Variants in TPRG1 observed in about 807,000 individuals in gnomAD.
TPRG1 encodes the protein tumor protein p63-regulated gene 1 protein.
A neutral mutation model predicts 29.3 loss-of-function variants in TPRG1; 29 were observed. The observed-to-expected ratio is 0.99, with a 90% confidence interval of 0.74 to 1.35. TPRG1 has a LOEUF of 1.35. TPRG1 is among the 40% of genes most tolerant of loss of function. The probability of loss-of-function intolerance (pLI) is 0.00; values close to 1 mark genes in which losing one functional copy is unlikely to be tolerated. For synonymous variants in TPRG1, 130 were observed against 116.8 expected, an observed-to-expected ratio of 1.11 and a Z score of -0.73; for missense variants, 327 against 335.0, an observed-to-expected ratio of 0.98 and a Z score of 0.19.
chr3:189,049,879 C>A (rs1482443388), intron 4 of TPRG1, among the ~76,000 whole-genome samples: 1 of 152,112 alleles, frequency 6.6e-6, no homozygotes, highest in East Asian at 1.9e-4. Flanking sequence ...AATCTTTGAA[C>A]TGAATGACAA....
At chr3:189,048,391 C>T (rs183759320) in intron 4 of TPRG1, among the ~76,000 whole-genome samples, 15 of 152,242 alleles carry the variant, frequency 9.9e-5, no homozygotes, top group Non-Finnish European at 2.2e-4. Flanking sequence ...ATTTAAAGAG[C>T]ACAGTCTGAG....
intron 4 of TPRG1, among the ~76,000 whole-genome samples, chr3:189,024,850 T>G (rs914367207): frequency 1.3e-5 from 2 of 152,210 alleles, no homozygotes; most frequent in Admixed American, 1.3e-4. Context: ...GATCCCTTTC[T>G]CGTTCGGATC....
chr3:189,166,098 C>T (rs1484176287), intron 5 of TPRG1, among the ~76,000 whole-genome samples: 2 of 152,230 alleles, frequency 1.3e-5, no homozygotes, highest in African/African-American at 4.8e-5. Flanking sequence ...CTAAGCATTC[C>T]AGACCCTCAA....
chr3:189,317,930 T>C (rs769511366), intron 5 of TPRG1, among the ~76,000 whole-genome samples: 1 of 152,098 alleles, frequency 6.6e-6, no homozygotes, highest in South Asian at 2.1e-4. Flanking sequence ...AAACCTCTCT[T>C]GTGCAAGGAA....
chr3:189,239,541 A>C (rs1740170361), intron 4 of TPRG1, among the ~76,000 whole-genome samples: 2 of 152,204 alleles, frequency 1.3e-5, no homozygotes, highest in African/African-American at 2.4e-5. Context: ...AAATGCACTC[A>C]ACCTAATTTG....
chr3:189,022,685 G>A (rs968280390), intron 3 of TPRG1, among the ~76,000 whole-genome samples: 2 of 152,326 alleles, frequency 1.3e-5, no homozygotes, highest in South Asian at 2.1e-4. Context: ...CTGTCTTTTT[G>A]TCTATGCCCT....
rs900722922 is a variant in TPRG1, at chr3:189,324,845, A to G, written c.*4025A>G. On this transcript the variant is annotated 3_prime_UTR_variant, in exon 6 of 6. Coordinates refer to ENST00000345063, the MANE Select transcript of TPRG1 (RefSeq NM_198485.4). ...GGTATTTGCACAGGGATGAATGCTC[A>G]TTGGCTCTTGGCCAACAATTATACA... 1 of 152,192 alleles carries G rather than the reference A, an allele frequency of 6.6e-6. No homozygotes were observed. Among genetic ancestry groups the G allele is most frequent in the Admixed American group, 6.6e-5 (1 of 15,262 alleles). The allele number at this position is 152,192 out of a possible 1,614,324, so 9.4% of individuals were successfully genotyped here. A position where few individuals can be genotyped will look rare whatever the true frequency, so the allele number is the denominator to read the frequency against.
chr3:189,061,447 T>A (rs1716096212), intron 4 of TPRG1, among the ~76,000 whole-genome samples: 2 of 152,154 alleles, frequency 1.3e-5, no homozygotes, highest in African/African-American at 4.8e-5. Context: ...AAATGAGATC[T>A]AAGTAAGCTA....
chr3:189,276,027 G>T (rs1335522188), intron 4 of TPRG1, among the ~76,000 whole-genome samples: 1 of 152,086 alleles, frequency 6.6e-6, no homozygotes, highest in East Asian at 1.9e-4. Flanking sequence ...AGCATTGGTT[G>T]GTTAAGGGCT....
chr3:189,148,445 G>T (rs887620600), intron 4 of TPRG1, among the ~76,000 whole-genome samples: 7 of 152,232 alleles, frequency 4.6e-5, no homozygotes, highest in African/African-American at 1.7e-4. Context: ...CTCTCTGGGA[G>T]TTTAGGGAAA....
At position 189,250,508 on chromosome 3, in the gene TPRG1, C is replaced by G. The variant is rs1206125801; in HGVS notation, c.479+11599C>G. Among the ~76,000 whole-genome samples the G allele has an allele frequency of 5.0e-5, 4 of 80,256 alleles. No individual in the cohort carries two copies. In the South Asian group the frequency reaches 2.7e-3, roughly 55 times the overall value. The allele number at this position is 80,256 out of a possible 152,430, so 52.7% of individuals were successfully genotyped here. A position where few individuals can be genotyped will look rare whatever the true frequency, so the allele number is the denominator to read the frequency against. The stretch of plus-strand genomic sequence containing the variant: ...TGTTAACAAGTTCTGATTTCCGCCC[C>G]CCCCCCCCCACCCAGATTAAAGCTT... On this transcript the variant is annotated intron_variant, in intron 4 of 5. Transcript: ENST00000345063.
intron 5 of TPRG1, among the ~76,000 whole-genome samples, chr3:189,159,505 C>T (rs1369867199): frequency 1.3e-5 from 2 of 152,122 alleles, no homozygotes; most frequent in South Asian, 4.1e-4. Flanking sequence ...AGTCCTATCC[C>T]CTGTCCTTAT....
At chr3:189,112,459 G>A (rs919086440) in intron 1 of TPRG1, among the ~76,000 whole-genome samples, 7 of 152,206 alleles carry the variant, frequency 4.6e-5, no homozygotes, top group Non-Finnish European at 1.5e-5. Context: ...CCAAGCCTAT[G>A]TCCTGAATGG....
chr3:189,003,600 T>C lies in TPRG1; in HGVS notation c.-877-943T>C, dbSNP rs536512261. The stretch of plus-strand genomic sequence containing the variant: ...GTAGAGCTCTGGCTTGTATATTGAT[T>C]GACTTCAAAGGTCAATTTGTATAAT... On this transcript the variant is annotated intron_variant, in intron 2 of 10. Transcript: ENST00000433971. Among the ~76,000 whole-genome samples the C allele has an allele frequency of 2.2e-3, 336 of 152,232 alleles. 1 individual carries two copies. The Middle Eastern group carries it at 0.024, about 11-fold the overall frequency.
intron 1 of TPRG1, among the ~76,000 whole-genome samples, chr3:189,106,040 A>G (rs1719780737): frequency 1.3e-5 from 2 of 152,116 alleles, no homozygotes; most frequent in South Asian, 4.1e-4. Flanking sequence ...ACATGTACCT[A>G]GGAACTGAAA....
intron 4 of TPRG1, among the ~76,000 whole-genome samples, chr3:189,304,431 A>G (rs1404918370): frequency 6.6e-6 from 1 of 152,098 alleles, no homozygotes; most frequent in Non-Finnish European, 1.5e-5. Flanking sequence ...GCCTCAAGTA[A>G]TATAACCCAT....
chr3:189,110,269 G>T (rs1720348273), intron 1 of TPRG1, among the ~76,000 whole-genome samples: 1 of 152,114 alleles, frequency 6.6e-6, no homozygotes. Context: ...TATATTGCCA[G>T]TTTAAATAAA....
chr3:189,194,176 C>A (rs1732167149), intron 1 of TPRG1, among the ~76,000 whole-genome samples: 1 of 151,992 alleles, frequency 6.6e-6, no homozygotes, highest in Admixed American at 6.6e-5. Flanking sequence ...GCTTCTTTAG[C>A]TGTATTCAAT....
chr3:189,280,901 CACTTT>C (rs1717018872), intron 4 of TPRG1, among the ~76,000 whole-genome samples: 1 of 152,126 alleles, frequency 6.6e-6, no homozygotes, highest in Non-Finnish European at 1.5e-5. Flanking sequence ...TAAGCAGAAC[CACTTT>C]TAACTACGTA....
Sources: allele counts gnomAD v4.1 joint callset (sites outside exome capture counted in the v4.1 genomes callset), GRCh38; gene constraint gnomAD v4.1.1; transcripts MANE v1.5; gene names NCBI Gene and HGNC (gene_info 2026-07-23, HGNC 2026-07-21).